The following CDH13 variants were observed in gnomAD, a reference collection of about 807,000 sequenced individuals.
CDH13 encodes cadherin-13.
CDH13 carries 24 observed loss-of-function variants against 63.8 expected under a neutral mutation model. That is an observed-to-expected ratio of 0.38 (90% confidence interval 0.27 to 0.53). The LOEUF (loss-of-function observed/expected upper bound fraction) is 0.53, where lower values mean the gene tolerates loss of function less well. Ranked by LOEUF, CDH13 falls within the 20% of genes least tolerant of loss-of-function variation. CDH13 has a pLI of 0.85. For missense variants in CDH13, 1,049 were observed against 903.1 expected (o/e 1.16, Z -2.07); for synonymous variants, 503 against 355.3 (o/e 1.42, Z -4.67).
At chr16:83,121,133 T>A (rs2035553546) in intron 3 of CDH13, among the ~76,000 whole-genome samples, 1 of 152,214 alleles carries the variant, frequency 6.6e-6, no homozygotes, top group Non-Finnish European at 1.5e-5. Flanking sequence ...GTTATATTAT[T>A]CTTGCTTTTT....
chr16:82,799,180 T>G (rs541663872), intron 1 of CDH13, among the ~76,000 whole-genome samples: 1 of 152,194 alleles, frequency 6.6e-6, no homozygotes, highest in Non-Finnish European at 1.5e-5. Context: ...GCCATGATGT[T>G]TGTAAGGGGG....
Position 82,871,944 on chromosome 16 carries a change from C to T in CDH13, c.157+13471C>T, listed in dbSNP as rs148035352. 3.9e-4 allele frequency among the ~76,000 whole-genome samples: 60 copies of T among 152,288 alleles called. No homozygotes were observed. In the Middle Eastern group the frequency reaches 0.01, roughly 26 times the overall value. ...TTCCAGCAAATATCTCAAGGCTGAC[C>T]GTCCTTGGACCAACTTGGTTTACGT... On this transcript the variant is annotated intron_variant, in intron 2 of 13. Transcript: ENST00000567109.
intron 3 of CDH13, among the ~76,000 whole-genome samples, chr16:83,049,936 A>G (rs939378889): frequency 4.6e-5 from 7 of 152,342 alleles, no homozygotes; most frequent in South Asian, 2.1e-4. Flanking sequence ...GGGCAGCTCT[A>G]TTATCTGGAT....
At chr16:83,644,423 A>C (rs1256563123) in intron 8 of CDH13, among the ~76,000 whole-genome samples, 2 of 152,250 alleles carry the variant, frequency 1.3e-5, no homozygotes, top group East Asian at 3.8e-4. Flanking sequence ...TTACAGCAAT[A>C]AAAATGCTTG....
chr16:83,243,290 C>G (rs1306858811), intron 5 of CDH13, among the ~76,000 whole-genome samples: 1 of 152,144 alleles, frequency 6.6e-6, no homozygotes, highest in Non-Finnish European at 1.5e-5. Flanking sequence ...CTTACAGTTC[C>G]TCATGGCTGG....
chr16:83,232,732 A>G (rs1187766643), intron 5 of CDH13, among the ~76,000 whole-genome samples: 2 of 151,618 alleles, frequency 1.3e-5, no homozygotes, highest in East Asian at 1.9e-4. Flanking sequence ...ACCGTGAACC[A>G]ATTAAACCTG....
intron 1 of CDH13, among the ~76,000 whole-genome samples, chr16:82,792,802 C>T (rs184436903): frequency 4.6e-5 from 7 of 152,340 alleles, no homozygotes; most frequent in Admixed American, 3.9e-4. Context: ...AATCATCACC[C>T]AATGCCCAAC....
intron 11 of CDH13, among the ~76,000 whole-genome samples, chr16:83,768,804 A>T (rs201634066): frequency 1.3e-5 from 2 of 151,608 alleles, no homozygotes; most frequent in African/African-American, 2.4e-5. Context: ...GGTCACTCTC[A>T]TCGCCATCTT....
chr16:83,707,183 C>G (rs1168056888), intron 10 of CDH13, among the ~76,000 whole-genome samples: 2 of 152,252 alleles, frequency 1.3e-5, no homozygotes, highest in African/African-American at 4.8e-5. Context: ...CTGTCAGTCA[C>G]TCTTCCTAAA....
At chr16:82,924,783 A>G (rs183018113) in intron 2 of CDH13, among the ~76,000 whole-genome samples, 36 of 152,314 alleles carry the variant, frequency 2.4e-4, no homozygotes, top group African/African-American at 8.4e-4. Context: ...GTGTGAAGTG[A>G]AAGCTTTGAG....
At chr16:83,583,572 G>A (rs376248982) in intron 7 of CDH13, among the ~76,000 whole-genome samples, 1 of 152,198 alleles carries the variant, frequency 6.6e-6, no homozygotes, top group South Asian at 2.1e-4. Flanking sequence ...AATAGTGATG[G>A]AGGGAAGGTA....
intron 4 of CDH13, among the ~76,000 whole-genome samples, chr16:83,155,761 C>A (rs528909685): frequency 7.2e-5 from 11 of 152,284 alleles, no homozygotes; most frequent in African/African-American, 2.6e-4. Flanking sequence ...GAAGACTGAA[C>A]TGCAAACAGA....
intron 7 of CDH13, 84 bp downstream of exon 7, chr16:83,486,739 G>A: frequency 7.6e-7 from 1 of 1,324,490 alleles, no homozygotes; most frequent in Non-Finnish European, 1.1e-6. Context: ...TCCAGTCAGT[G>A]GTTTTTTTTA....
At chr16:83,333,577 G>A (rs2090523013) in intron 5 of CDH13, among the ~76,000 whole-genome samples, 1 of 152,106 alleles carries the variant, frequency 6.6e-6, no homozygotes, top group Admixed American at 6.5e-5. Flanking sequence ...CCATACTCCC[G>A]CTAAGGTCTA....
At chr16:82,642,325 A>C (rs987513696) in intron 1 of CDH13, among the ~76,000 whole-genome samples, 6 of 152,208 alleles carry the variant, frequency 3.9e-5, no homozygotes, top group Non-Finnish European at 1.5e-5. Context: ...GAACTCTTTT[A>C]AGTTGCCCAT....
intron 4 of CDH13, among the ~76,000 whole-genome samples, chr16:83,148,914 GA>G (rs1297535966): frequency 6.6e-6 from 1 of 152,080 alleles, no homozygotes; most frequent in African/African-American, 2.4e-5. Flanking sequence ...GTAGCCTAAA[GA>G]AAATCTTATT....
rs1198333679 is a variant in CDH13 at position 82,856,637 on chromosome 16, G to C, written c.46-1725G>C. 2.4e-5 allele frequency among the ~76,000 whole-genome samples: 3 copies of C among 122,782 alleles called. No individual in the cohort carries two copies. The Admixed American group carries it at 3.2e-4, about 13-fold the overall frequency. 80.5% of individuals were successfully genotyped at this position (122,782 alleles called of 152,430 possible). A position where few individuals can be genotyped will look rare whatever the true frequency, so the allele number is the denominator to read the frequency against. On this transcript the variant is annotated intron_variant, in intron 1 of 13. Coordinates refer to ENST00000567109, the MANE Select transcript of CDH13 (RefSeq NM_001257.5). Reference sequence around the variant, plus strand: ...GGATCGCTTGAGCCCAGGAGGTTGGGTCTGCAGTGAGCCACAGTTGCACTC... The same window carrying C: ...GGATCGCTTGAGCCCAGGAGGTTGGCTCTGCAGTGAGCCACAGTTGCACTC...
At chr16:83,478,741 A>C (rs2073677974) in intron 6 of CDH13, among the ~76,000 whole-genome samples, 1 of 151,692 alleles carries the variant, frequency 6.6e-6, no homozygotes. Flanking sequence ...TCCTACCCTC[A>C]GAGTACAGGG....
At chr16:83,191,458 A>AAT (rs57044100) in intron 4 of CDH13, among the ~76,000 whole-genome samples, 11,516 of 79,928 alleles carry the variant, frequency 0.14, 698 homozygotes, top group Middle Eastern at 0.2. Flanking sequence ...ACTAATAGGA[A>AAT]ATATATATAT....
Sources: allele counts gnomAD v4.1 joint callset (sites outside exome capture counted in the v4.1 genomes callset), GRCh38; gene constraint gnomAD v4.1.1; transcripts MANE v1.5; gene names NCBI Gene and HGNC (gene_info 2026-07-23, HGNC 2026-07-21).